WDR70: variants seen among roughly 807,000 people sequenced by gnomAD.
WDR70 encodes the protein WD repeat domain 70.
WDR70 carries 53 observed loss-of-function variants against 88.6 expected under a neutral mutation model. That is an observed-to-expected ratio of 0.60 (90% CI 0.48 to 0.75). WDR70 has a LOEUF of 0.75. Among genes scored for constraint, WDR70 ranks in the 30% least tolerant of loss-of-function variants. The pLI, the probability that WDR70 is intolerant of heterozygous loss-of-function variation, is 0.00. For missense variants in WDR70, 610 were observed against 823.2 expected (o/e 0.74, Z 3.17); for synonymous variants, 280 against 270.0 (o/e 1.04, Z -0.36).
intron 5 of WDR70, among the ~76,000 whole-genome samples, chr5:37,411,945 C>CT (rs918351626): frequency 7.9e-5 from 12 of 151,430 alleles, no homozygotes; most frequent in African/African-American, 1.5e-4. Context: ...TTTTGATAAA[C>CT]TTTTTTTTAC....
intron 8 of WDR70, among the ~76,000 whole-genome samples, chr5:37,487,079 A>C (rs1301335295): frequency 2.6e-5 from 4 of 152,350 alleles, no homozygotes; most frequent in Admixed American, 2.6e-4. Context: ...AATCTACATA[A>C]AAGTGTAGGA....
At chr5:37,529,660 G>A (rs759997348) in intron 9 of WDR70, among the ~76,000 whole-genome samples, 1 of 151,982 alleles carries the variant, frequency 6.6e-6, no homozygotes, top group Admixed American at 6.6e-5. Flanking sequence ...CTACTGATTT[G>A]TGTACATTAA....
intron 5 of WDR70, among the ~76,000 whole-genome samples, chr5:37,420,668 T>C (rs1195561427): frequency 6.6e-6 from 1 of 152,132 alleles, no homozygotes; most frequent in Admixed American, 6.6e-5. Context: ...TGGCTTTAAA[T>C]GATCCTCTCA....
chr5:37,600,849 A>G (rs1189698084), intron 9 of WDR70, among the ~76,000 whole-genome samples: 2 of 152,246 alleles, frequency 1.3e-5, no homozygotes, highest in African/African-American at 4.8e-5. Flanking sequence ...AAAGTTCCAT[A>G]AAATAGCAAA....
chr5:37,444,262 T>C (rs1051622391), intron 7 of WDR70, among the ~76,000 whole-genome samples: 6 of 151,972 alleles, frequency 3.9e-5, no homozygotes, highest in Non-Finnish European at 8.8e-5. Flanking sequence ...ATCTATTTTG[T>C]ACTGTTTAGG....
chr5:37,510,458 C>G (rs1296121350), intron 8 of WDR70, among the ~76,000 whole-genome samples: 1 of 152,150 alleles, frequency 6.6e-6, no homozygotes, highest in Non-Finnish European at 1.5e-5. Context: ...CATTTTCATA[C>G]ATAATCATAA....
chr5:37,704,526 CTG>C (rs1747264026), intron 13 of WDR70, among the ~76,000 whole-genome samples: 1 of 152,166 alleles, frequency 6.6e-6, no homozygotes, highest in South Asian at 2.1e-4. Context: ...TTTTTGTTCT[CTG>C]TGTTACTTTT....
intron 2 of WDR70, among the ~76,000 whole-genome samples, chr5:37,380,181 C>T (rs1748381653): frequency 6.6e-6 from 1 of 152,178 alleles, no homozygotes; most frequent in South Asian, 2.1e-4. Context: ...TGCTGTTCAT[C>T]CAAACATTGG....
chr5:37,741,008 A>T (rs966030257), intron 17 of WDR70, among the ~76,000 whole-genome samples: 1 of 152,144 alleles, frequency 6.6e-6, no homozygotes, highest in African/African-American at 2.4e-5. Context: ...ATAAAAACCT[A>T]GATTTGTATT....
intron 9 of WDR70, among the ~76,000 whole-genome samples, chr5:37,572,226 A>AGT (rs1476713867): frequency 1.1e-4 from 16 of 152,038 alleles, no homozygotes; most frequent in Non-Finnish European, 1.9e-4. Flanking sequence ...ATTGTAGGAG[A>AGT]AATACACTGT....
At chr5:37,653,716 T>G (rs889868463) in intron 10 of WDR70, among the ~76,000 whole-genome samples, 1 of 152,220 alleles carries the variant, frequency 6.6e-6, no homozygotes, top group African/African-American at 2.4e-5. Context: ...GATTTTCTAG[T>G]TTATTTGCAT....
At chr5:37,747,621 A>G (rs920630170) in intron 17 of WDR70, among the ~76,000 whole-genome samples, 7 of 152,218 alleles carry the variant, frequency 4.6e-5, no homozygotes, top group East Asian at 1.9e-4. Context: ...CACCACTCCT[A>G]TTCAACGTAG....
At position 37,624,316 on chromosome 5, in the gene WDR70, G is replaced by A. The variant is rs75600530; in HGVS notation, c.1092+19078G>A. On this transcript the variant is annotated intron_variant, in intron 10 of 17. Transcript: ENST00000265107. ...ACATGTGGAGTTTAACTTTCTGTTCGCAGCTTATTTCACTTACCTTCCACT... is the reference window on the plus strand; with the variant it reads ...ACATGTGGAGTTTAACTTTCTGTTCACAGCTTATTTCACTTACCTTCCACT... Among the ~76,000 whole-genome samples, 313 of 152,072 alleles carry A rather than the reference G, an allele frequency of 2.1e-3. 1 individual carries two copies. The highest frequency in any genetic ancestry group is 7.2e-3 in the African/African-American group (300 of 41,504).
chr5:37,688,780 G>A (rs907955129), intron 10 of WDR70, among the ~76,000 whole-genome samples: 2 of 148,162 alleles, frequency 1.3e-5, no homozygotes, highest in Non-Finnish European at 3.0e-5. Flanking sequence ...CAGAAGATAA[G>A]TGATTTCTGC....
At chr5:37,489,917 G>T (rs1469297180) in intron 8 of WDR70, among the ~76,000 whole-genome samples, 1 of 152,032 alleles carries the variant, frequency 6.6e-6, no homozygotes, top group Admixed American at 6.6e-5. Context: ...CTAGCATTAG[G>T]TATATCTCCC....
chr5:37,728,348 CAAAAAAAAAAAAAAACA>C lies in WDR70; in HGVS notation c.1877+1315_1877+1331del, dbSNP rs1239633744. On this transcript the variant is annotated intron_variant, in intron 17 of 17. Transcript: ENST00000265107. Reference sequence around the variant, plus strand: ...AGGTGACAGAGTAAGACCTTGCCTCCAAAAAAAAAAAAAAACAAAAAAAAAAAACAAACTAAAACTAT... The same window carrying C: ...AGGTGACAGAGTAAGACCTTGCCTCCAAAAAAAAAAACAAACTAAAACTAT... Among the ~76,000 whole-genome samples the C allele has an allele frequency of 1.8e-3, 89 of 49,994 alleles. No individual in the cohort carries two copies. The East Asian group carries it at 0.049, about 28-fold the overall frequency. The allele number at this position is 49,994 out of a possible 152,430, so 32.8% of individuals were successfully genotyped here.
chr5:37,526,734 C>G (rs1018789708), intron 9 of WDR70, among the ~76,000 whole-genome samples: 1 of 152,126 alleles, frequency 6.6e-6, no homozygotes, highest in East Asian at 1.9e-4. Context: ...TTAGAAAACC[C>G]CATCGTCTCA....
chr5:37,672,537 G>A (rs1746058437), intron 10 of WDR70, among the ~76,000 whole-genome samples: 1 of 152,056 alleles, frequency 6.6e-6, no homozygotes. Context: ...GAGATGTTTG[G>A]GTGGAGAGAA....
intron 7 of WDR70, among the ~76,000 whole-genome samples, chr5:37,463,147 C>G (rs1739062036): frequency 6.6e-6 from 1 of 152,098 alleles, no homozygotes; most frequent in Non-Finnish European, 1.5e-5. Context: ...TGGCACGCAC[C>G]TGTAATCCCA....
Sources: gnomAD v4.1 joint callset for allele counts (sites outside exome capture counted in the v4.1 genomes callset) on GRCh38, gnomAD v4.1.1 for gene constraint, MANE v1.5 for transcripts, NCBI Gene and HGNC (gene_info 2026-07-23, HGNC 2026-07-21) for gene names.